The following TRPV4 variants were observed in gnomAD, a reference collection of about 807,000 sequenced individuals.
The protein encoded by TRPV4 is OSM9-like transient receptor potential channel 4.
A neutral mutation model predicts 84.1 loss-of-function variants in TRPV4; 58 were observed. The observed-to-expected ratio is 0.69, with a 90% CI of 0.56 to 0.86. The LOEUF (loss-of-function observed/expected upper bound fraction) is 0.86, where lower values mean the gene tolerates loss of function less well. Among genes scored for constraint, TRPV4 ranks in the 40% least tolerant of loss-of-function variants. The pLI, the probability that TRPV4 is intolerant of heterozygous loss-of-function variation, is 0.00. For synonymous variants in TRPV4, 489 were observed against 500.9 expected (o/e 0.98, Z 0.32); for missense variants, 879 against 1,181.1 (o/e 0.74, Z 3.75).
chr12:109,806,072 T>G (rs1043693068), intron 3 of TRPV4, among the ~76,000 whole-genome samples: 2 of 152,246 alleles, frequency 1.3e-5, no homozygotes, highest in Admixed American at 6.5e-5. Flanking sequence ...ATGCCATCAC[T>G]GAGCTACTCC....
At chr12:109,818,649 C>T (rs1891965832) in intron 1 of TRPV4, among the ~76,000 whole-genome samples, 1 of 152,166 alleles carries the variant, frequency 6.6e-6, no homozygotes, top group African/African-American at 2.4e-5. Context: ...TAGCACCTCC[C>T]TTGTAGGGCT....
chr12:109,785,909 A>C (rs1265859419), intron 14 of TRPV4, among the ~76,000 whole-genome samples: 1 of 152,078 alleles, frequency 6.6e-6, no homozygotes, highest in Non-Finnish European at 1.5e-5. Context: ...TGGCATGAGG[A>C]GGCTGAGGTG....
At chr12:109,792,490 A>C (rs959274530) in intron 11 of TRPV4, 61 bp from the exon 12 acceptor site, 10 of 1,595,738 alleles carry the variant, frequency 6.3e-6, no homozygotes, top group Admixed American at 1.7e-5. Context: ...CACTTTCCCC[A>C]TTCCTCCATC....
At chr12:109,788,766 G>A in intron 12 of TRPV4, 50 bp from the exon 13 acceptor site, 1 of 1,597,690 alleles carries the variant, frequency 6.3e-7, no homozygotes, top group Non-Finnish European at 8.6e-7. Flanking sequence ...CACCCACAGA[G>A]AGGTGGAGGG....
intron 2 of TRPV4, among the ~76,000 whole-genome samples, chr12:109,812,147 G>A (rs915075328): frequency 2.6e-5 from 4 of 152,188 alleles, no homozygotes; most frequent in Non-Finnish European, 5.9e-5. Context: ...ACAGAACCCG[G>A]GATGTCTGAG....
At chr12:109,788,918 T>A (rs908092387) in intron 12 of TRPV4, among the ~76,000 whole-genome samples, 1 of 152,194 alleles carries the variant, frequency 6.6e-6, no homozygotes, top group Admixed American at 6.5e-5. Context: ...TTGAAGCCTT[T>A]CCATAAACTC....
chr12:109,814,550 T>C lies in TRPV4; in HGVS notation c.247A>G (p.Ile83Val), dbSNP rs1305175033. The change falls in exon 2 of 16, where the codon ATC becomes GTC. Residue 83 changes from isoleucine (I) to valine (V), a missense_variant. By Grantham distance (29) the Ile-to-Val change is conservative (BLOSUM62 3). Around this residue, in one of 4 missense-constraint regions of TRPV4, gnomAD observed 521 missense variants for 686.6 expected, o/e 0.76. Transcript: ENST00000261740. The surrounding 1 kb of genome is among the most constrained non-coding windows in gnomAD (Gnocchi z 5.4). ...TATAGGGTGGACTCCAGCAGATCGA[T>C]GGGGTTGGGCACCCCCTTGCGGAAG... ...GAFRKGVPNP[I>V]DLLESTLYES... 1.2e-6 allele frequency: 2 copies of C among 1,613,780 alleles called. No homozygotes were observed. Among genetic ancestry groups the C allele is most frequent in the Non-Finnish European group, 8.5e-7 (1 of 1,179,984 alleles).
At chr12:109,823,605 C>A (rs1469300278) in intron 1 of TRPV4, among the ~76,000 whole-genome samples, 2 of 152,100 alleles carry the variant, frequency 1.3e-5, no homozygotes, top group Non-Finnish European at 2.9e-5. Flanking sequence ...CCAGAACAGG[C>A]AAATCCACAG....
At chr12:109,827,169 C>T (rs566745081) in intron 1 of TRPV4, among the ~76,000 whole-genome samples, 2 of 152,316 alleles carry the variant, frequency 1.3e-5, no homozygotes, top group African/African-American at 4.8e-5. Flanking sequence ...AGACAGCTTA[C>T]GGAGCACCTG....
chr12:109,784,553 G>C, intron 14 of TRPV4, 116 bp from the exon 15 acceptor site: 1 of 1,505,346 alleles, frequency 6.6e-7, no homozygotes. Context: ...AACAAGGCTG[G>C]GCGTGGTGGC....
Position 109,798,626 on chromosome 12 carries a change from C to A in TRPV4, c.1140G>T (p.Thr380=), listed in dbSNP as rs767693473. The part of the protein sequence containing the change: ...GLSPLMMAAK[T]GKIGIFQHII... Reference sequence around the variant, plus strand: ...GCCGCACACTCACCCCAATCTTGCCCGTCTTGGCAGCCATCATGAGGGGCG... The same window carrying A: ...GCCGCACACTCACCCCAATCTTGCCAGTCTTGGCAGCCATCATGAGGGGCG... The change falls in exon 6 of 16, where the codon ACG becomes ACT. Residue 380 remains threonine (T), a synonymous_variant. Transcript: ENST00000261740. This position sits in a 1 kb window ranked among gnomAD's most constrained non-coding sequence, Gnocchi z 5.0. 1 of 1,611,920 alleles carries A rather than the reference C, an allele frequency of 6.2e-7. No homozygotes were observed. The highest frequency in any genetic ancestry group is 1.3e-5 in the African/African-American group (1 of 74,880).
intron 8 of TRPV4, 78 bp from the exon 9 acceptor site, chr12:109,794,100 C>T: frequency 7.7e-7 from 1 of 1,302,238 alleles, no homozygotes; most frequent in Non-Finnish European, 1.1e-6. Context: ...TTCCCCCAGG[C>T]CCGAAACATC....
At chr12:109,807,584 A>G (rs1247041167) in intron 3 of TRPV4, among the ~76,000 whole-genome samples, 1 of 152,058 alleles carries the variant, frequency 6.6e-6, no homozygotes, top group Admixed American at 6.5e-5. Flanking sequence ...TTGACTTGTG[A>G]GATCACGGCC....
At chr12:109,821,536 G>GTAT (rs1258346680) in intron 1 of TRPV4, among the ~76,000 whole-genome samples, 1 of 141,164 alleles carries the variant, frequency 7.1e-6, no homozygotes, top group Non-Finnish European at 1.5e-5. Context: ...TTCTATATAT[G>GTAT]TATTTTTTTT....
intron 1 of TRPV4, among the ~76,000 whole-genome samples, chr12:109,826,302 G>T (rs917737812): frequency 3.9e-5 from 6 of 152,224 alleles, no homozygotes; most frequent in African/African-American, 1.4e-4. Context: ...GTGATTACAG[G>T]CGTGAACCAC....
intron 1 of TRPV4, among the ~76,000 whole-genome samples, chr12:109,823,764 A>G (rs1020109675): frequency 7.9e-5 from 12 of 152,094 alleles, no homozygotes; most frequent in African/African-American, 2.7e-4. Flanking sequence ...TAAGAAACCA[A>G]CTGAATTGTA....
chr12:109,787,976 A>T (rs950567483), intron 13 of TRPV4, among the ~76,000 whole-genome samples: 1 of 152,212 alleles, frequency 6.6e-6, no homozygotes, highest in Non-Finnish European at 1.5e-5. Flanking sequence ...GCATGCTCAC[A>T]GTTGCTAGAA....
At chr12:109,824,244 C>T (rs1455535933) in intron 1 of TRPV4, among the ~76,000 whole-genome samples, 1 of 151,962 alleles carries the variant, frequency 6.6e-6, no homozygotes, top group Non-Finnish European at 1.5e-5. Flanking sequence ...GGATTACAGG[C>T]GTCGGCCACC....
chr12:109,823,731 T>A (rs2136705925), intron 1 of TRPV4, among the ~76,000 whole-genome samples: 1 of 152,270 alleles, frequency 6.6e-6, no homozygotes, highest in Non-Finnish European at 1.5e-5. Flanking sequence ...ATAGTGCTGA[T>A]GTCTGTACAA....
Sources: allele counts gnomAD v4.1 joint callset (sites outside exome capture counted in the v4.1 genomes callset), GRCh38; gene constraint gnomAD v4.1.1; regional missense constraint gnomAD v4.1.1; non-coding constraint Gnocchi (gnomAD v3.1); transcripts MANE v1.5; gene names NCBI Gene and HGNC (gene_info 2026-07-23, HGNC 2026-07-21).